Variants in ZNRF3 observed in about 807,000 individuals in gnomAD.
ZNRF3 encodes E3 ubiquitin-protein ligase ZNRF3.
In ZNRF3, 23 loss-of-function variants were observed where a neutral mutation model predicts 72.5. The ratio of observed to expected loss-of-function variants is 0.32; its 90% confidence interval spans 0.23 to 0.45. The LOEUF (loss-of-function observed/expected upper bound fraction) is 0.45. Among genes scored for constraint, ZNRF3 ranks in the 20% least tolerant of loss-of-function variants. The pLI is 1.00. For missense variants in ZNRF3, 1,169 were observed against 1,272.1 expected, an observed-to-expected ratio of 0.92 and a Z score of 1.23; for synonymous variants, 610 against 545.3, an observed-to-expected ratio of 1.12 and a Z score of -1.65.
intron 2 of ZNRF3, among the ~76,000 whole-genome samples, chr22:28,989,328 G>T (rs997868711): frequency 2.0e-5 from 3 of 152,126 alleles, no homozygotes; most frequent in African/African-American, 7.2e-5. Context: ...AGTGTAGGAG[G>T]TGCGATGAGT....
At chr22:28,934,158 G>C (rs1296596452) in intron 1 of ZNRF3, among the ~76,000 whole-genome samples, 1 of 152,124 alleles carries the variant, frequency 6.6e-6, no homozygotes, top group Admixed American at 6.5e-5. Flanking sequence ...GGCTCCTCTG[G>C]AGTGCTTTCT....
At chr22:28,950,372 G>T (rs901346146) in intron 1 of ZNRF3, among the ~76,000 whole-genome samples, 16 of 152,274 alleles carry the variant, frequency 1.1e-4, no homozygotes, top group East Asian at 9.6e-4. Context: ...CTGCTCTGTT[G>T]TCTGAGACTG....
At position 29,007,752 on chromosome 22, in the gene ZNRF3, C is replaced by CTTTTTTTTTT. The variant is rs943507617; in HGVS notation, c.426+20564_426+20573dup. On this transcript the variant is annotated intron_variant, in intron 2 of 8. Transcript: ENST00000544604. The stretch of plus-strand genomic sequence containing the variant: ...CCTTTCATAGAAATTCCATTTCTTC[C>CTTTTTTTTTT]TTTTTTTTTTTTTTTTTTTTTTGAG... 2.3e-4 allele frequency among the ~76,000 whole-genome samples: 10 copies of CTTTTTTTTTT among 43,684 alleles called. 1 individual carries two copies. Among genetic ancestry groups the CTTTTTTTTTT allele is most frequent in the Non-Finnish European group, 3.1e-4 (6 of 19,048 alleles). The allele number at this position is 43,684 out of a possible 152,430, so 28.7% of individuals were successfully genotyped here.
chr22:28,992,995 G>T (rs1475900696), intron 2 of ZNRF3: 1 of 152,260 alleles, frequency 6.6e-6, no homozygotes, highest in African/African-American at 2.4e-5. Flanking sequence ...AGAAGAAAAG[G>T]GAGCAAGATG....
Position 29,049,685 on chromosome 22 carries a change from A to T in ZNRF3, c.1504A>T (p.Ser502Cys). 1.2e-6 allele frequency: 2 copies of T among 1,607,496 alleles called. No individual in the cohort carries two copies. Among genetic ancestry groups the T allele is most frequent in the Non-Finnish European group, 1.7e-6 (2 of 1,178,868 alleles). The change falls in exon 8 of 9, where the codon AGC (serine) becomes TGC (cysteine). Residue 502 changes from serine (S) to cysteine (C), a missense_variant. Ser to Cys is a moderately radical substitution (Grantham distance 112). Around this residue, in one of 2 missense-constraint regions of ZNRF3, gnomAD observed 783 missense variants for 731.4 expected, o/e 1.07. Coordinates refer to ENST00000544604, the MANE Select transcript of ZNRF3 (RefSeq NM_001206998.2). This position sits in a 1 kb window ranked among gnomAD's most constrained non-coding sequence, Gnocchi z 5.2. ...GGGCCCGGCCCGTGCCTTTCCTCCG[A>T]GCGGCAGTGGCAGCCTGCTCTTCCC... is the stretch of plus-strand genomic sequence containing the variant. ...PRGPARAFPP[S>C]GSGSLLFPTV...
chr22:29,012,509 G>A (rs1208168245), intron 2 of ZNRF3, among the ~76,000 whole-genome samples: 4 of 152,248 alleles, frequency 2.6e-5, no homozygotes, highest in Non-Finnish European at 5.9e-5. Flanking sequence ...TGGAAAGGCA[G>A]TTGAGTAGAG....
chr22:28,913,915 TC>T (rs1278509626), intron 1 of ZNRF3, among the ~76,000 whole-genome samples: 1 of 150,952 alleles, frequency 6.6e-6, no homozygotes, highest in Non-Finnish European at 1.5e-5. Context: ...GATAGAGGAG[TC>T]CCCCCGACCC....
intron 1 of ZNRF3, among the ~76,000 whole-genome samples, chr22:28,901,149 T>C (rs2034094855): frequency 6.6e-6 from 1 of 152,132 alleles, no homozygotes; most frequent in South Asian, 2.1e-4. Context: ...TTTTTTTAAA[T>C]GCAGAAAACA....
intron 1 of ZNRF3, among the ~76,000 whole-genome samples, chr22:28,984,554 C>T (rs2035819794): frequency 6.6e-6 from 1 of 152,208 alleles, no homozygotes; most frequent in Non-Finnish European, 1.5e-5. Flanking sequence ...AGCCATTCAT[C>T]TGGAAACCTC....
chr22:28,994,303 C>T (rs187297877), intron 2 of ZNRF3, among the ~76,000 whole-genome samples: 4 of 150,092 alleles, frequency 2.7e-5, no homozygotes, highest in African/African-American at 9.8e-5. Context: ...TGTCCTGCCT[C>T]AGCCTCCTGA....
intron 1 of ZNRF3, among the ~76,000 whole-genome samples, chr22:28,949,955 C>A (rs976810608): frequency 5.8e-5 from 3 of 52,170 alleles, no homozygotes; most frequent in Non-Finnish European, 1.9e-4. Flanking sequence ...CATTTCGCCA[C>A]GCAGAATTTT....
At chr22:28,953,194 G>A (rs1370285583) in intron 1 of ZNRF3, among the ~76,000 whole-genome samples, 1 of 152,212 alleles carries the variant, frequency 6.6e-6, no homozygotes, top group African/African-American at 2.4e-5. Context: ...AGCAGGGAAG[G>A]CATGGTAGGT....
rs1004309192 is a variant in ZNRF3, at chr22:29,049,107, C to G, written c.1016-90C>G. 10 of 1,418,266 alleles carry G rather than the reference C, an allele frequency of 7.1e-6. No homozygotes were observed. In the South Asian group the frequency reaches 1.2e-4, roughly 18 times the overall value. The allele number at this position is 1,418,266 out of a possible 1,614,324, so 87.9% of individuals were successfully genotyped here. A position where few individuals can be genotyped will look rare whatever the true frequency, so the allele number is the denominator to read the frequency against. ...CCTTGGCAGGTGACCAAGCCTGCTG[C>G]TTCAGCCTTTGCCCGTTTTAAAAAT... On this transcript the variant is annotated intron_variant, in intron 7 of 8. Coordinates refer to ENST00000544604, the MANE Select transcript of ZNRF3 (RefSeq NM_001206998.2). This position sits in a 1 kb window ranked among gnomAD's most constrained non-coding sequence, Gnocchi z 5.2.
intron 1 of ZNRF3, 127 bp from the exon 2 acceptor site, chr22:28,986,949 C>A: frequency 1.5e-6 from 2 of 1,302,680 alleles, no homozygotes; most frequent in African/African-American, 1.5e-5. Flanking sequence ...GGTTGAAAAA[C>A]TGTCCCCACT....
chr22:28,913,608 C>T (rs2034357355), intron 1 of ZNRF3, among the ~76,000 whole-genome samples: 1 of 152,152 alleles, frequency 6.6e-6, no homozygotes, highest in African/African-American at 2.4e-5. Context: ...TCTTCCATTT[C>T]AGCTTAGATT....
At chr22:28,969,605 A>G (rs1403008962) in intron 1 of ZNRF3, among the ~76,000 whole-genome samples, 3 of 152,110 alleles carry the variant, frequency 2.0e-5, no homozygotes, top group Non-Finnish European at 4.4e-5. Context: ...CAAGAAAGAG[A>G]CTGGCAGAAG....
intron 2 of ZNRF3, among the ~76,000 whole-genome samples, chr22:29,013,101 A>C (rs1056005009): frequency 2.6e-5 from 4 of 152,186 alleles, no homozygotes; most frequent in African/African-American, 9.6e-5. Context: ...GCTGTTGAAG[A>C]GCCACCCATT....
intron 2 of ZNRF3, among the ~76,000 whole-genome samples, chr22:28,997,686 C>T (rs867307414): frequency 4.6e-5 from 7 of 151,874 alleles, no homozygotes; most frequent in Admixed American, 3.9e-4. Context: ...TTCTCCATAC[C>T]GCCTCTGTAA....
intron 2 of ZNRF3, among the ~76,000 whole-genome samples, chr22:28,989,860 T>A (rs552639292): frequency 1.3e-5 from 2 of 152,274 alleles, no homozygotes; most frequent in South Asian, 4.1e-4. Flanking sequence ...ATGTCCTAAA[T>A]TAAAACACGT....
Sources: gnomAD v4.1 joint callset for allele counts (sites outside exome capture counted in the v4.1 genomes callset) on GRCh38, gnomAD v4.1.1 for gene constraint, gnomAD v4.1.1 regional missense constraint, Gnocchi (gnomAD v3.1) non-coding constraint, MANE v1.5 for transcripts, NCBI Gene and HGNC (gene_info 2026-07-23, HGNC 2026-07-21) for gene names.